ASIC2: variants seen among roughly 807,000 people sequenced by gnomAD.
ASIC2 encodes the protein acid-sensing ion channel 2.
Under a neutral mutation model 57.3 loss-of-function variants are expected in ASIC2, and 25 were observed. That is an observed-to-expected ratio of 0.44 (90% CI 0.32 to 0.61). The LOEUF is 0.61. Ranked by LOEUF, ASIC2 falls within the 20% of genes least tolerant of loss-of-function variation. ASIC2 has a pLI of 0.06. For synonymous variants in ASIC2, 319 were observed against 307.5 expected (o/e 1.04, Z -0.39); for missense variants, 641 against 738.1 (o/e 0.87, Z 1.52).
chr17:33,241,358 G>T (rs8071923), intron 1 of ASIC2, among the ~76,000 whole-genome samples: 1 of 152,194 alleles, frequency 6.6e-6, no homozygotes, highest in Non-Finnish European at 1.5e-5. Context: ...TTTCATTCAC[G>T]TGGTGGGAGT....
chr17:33,311,428 CTGTG>C (rs34323667), intron 1 of ASIC2, among the ~76,000 whole-genome samples: 36,187 of 148,024 alleles, frequency 0.24, 4,708 homozygotes, highest in East Asian at 0.4. Flanking sequence ...GTCTGTCTAT[CTGTG>C]TGTGTGTGTG....
chr17:33,175,807 G>A (rs1027948269), intron 1 of ASIC2, among the ~76,000 whole-genome samples: 11 of 151,986 alleles, frequency 7.2e-5, no homozygotes, highest in South Asian at 4.2e-4. Context: ...GACCAATCTC[G>A]GCGCTCTCTT....
intron 1 of ASIC2, among the ~76,000 whole-genome samples, chr17:33,556,732 T>C (rs750739520): frequency 1.3e-5 from 2 of 152,212 alleles, no homozygotes; most frequent in Non-Finnish European, 2.9e-5. Context: ...TGTATTAGTG[T>C]TTACAGGTAA....
intron 1 of ASIC2, among the ~76,000 whole-genome samples, chr17:33,267,712 A>C (rs1909517687): frequency 6.6e-6 from 1 of 152,254 alleles, no homozygotes; most frequent in African/African-American, 2.4e-5. Flanking sequence ...GGAAAGCTGC[A>C]CAGGCATCTT....
chr17:34,074,474 C>A (rs575703875), intron 1 of ASIC2, among the ~76,000 whole-genome samples: 5 of 152,156 alleles, frequency 3.3e-5, no homozygotes, highest in Admixed American at 3.3e-4. Context: ...ATGCATAGGG[C>A]TAGGAGGTCT....
At chr17:33,856,530 AGTGGTAGTAGTG>A (rs1448228613) in intron 1 of ASIC2, among the ~76,000 whole-genome samples, 1 of 151,250 alleles carries the variant, frequency 6.6e-6, no homozygotes, top group African/African-American at 2.4e-5. Flanking sequence ...TGGTAGTAGT[AGTGGTAGTAGTG>A]GCAGTAGCAG....
intron 1 of ASIC2, among the ~76,000 whole-genome samples, chr17:33,463,767 C>T (rs984758490): frequency 6.6e-6 from 1 of 152,244 alleles, no homozygotes; most frequent in Admixed American, 6.5e-5. Context: ...ATCTCTCTCT[C>T]CTCTGCCCCC....
chr17:33,368,745 A>G (rs1244476539), intron 1 of ASIC2, among the ~76,000 whole-genome samples: 1 of 151,982 alleles, frequency 6.6e-6, no homozygotes, highest in Non-Finnish European at 1.5e-5. Flanking sequence ...TTTGGCCACC[A>G]TCTTTCCTCT....
intron 1 of ASIC2, among the ~76,000 whole-genome samples, chr17:33,470,629 T>G (rs760749988): frequency 6.6e-6 from 1 of 152,200 alleles, no homozygotes; most frequent in Admixed American, 6.5e-5. Context: ...AGCCATCACC[T>G]GCTCTTCAGT....
At chr17:33,078,616 A>G (rs947067625) in intron 3 of ASIC2, among the ~76,000 whole-genome samples, 1 of 152,112 alleles carries the variant, frequency 6.6e-6, no homozygotes, top group African/African-American at 2.4e-5. Context: ...TGATTGATTG[A>G]TTGTAGAAAT....
intron 1 of ASIC2, among the ~76,000 whole-genome samples, chr17:33,448,310 G>C (rs979926983): frequency 3.9e-5 from 6 of 152,174 alleles, no homozygotes; most frequent in Non-Finnish European, 7.3e-5. Context: ...CTTGACGGCT[G>C]TTTAGTGGGC....
At chr17:34,128,035 A>G (rs560647675) in intron 1 of ASIC2, among the ~76,000 whole-genome samples, 7 of 152,228 alleles carry the variant, frequency 4.6e-5, no homozygotes, top group African/African-American at 1.7e-4. Flanking sequence ...ACAAATATAT[A>G]ATGATGATGA....
chr17:33,306,727 C>T (rs1056063702), intron 1 of ASIC2, among the ~76,000 whole-genome samples: 1 of 152,146 alleles, frequency 6.6e-6, no homozygotes, highest in Non-Finnish European at 1.5e-5. Context: ...CTTTGATTTC[C>T]TTCCTCTCCA....
chr17:34,076,841 G>A (rs1188347315), intron 1 of ASIC2, among the ~76,000 whole-genome samples: 4 of 152,232 alleles, frequency 2.6e-5, no homozygotes, highest in African/African-American at 2.4e-5. Context: ...GACAGGAAGA[G>A]TGGGAAGGGC....
chr17:33,240,685 G>A (rs1406202911), intron 1 of ASIC2, among the ~76,000 whole-genome samples: 1 of 151,826 alleles, frequency 6.6e-6, no homozygotes, highest in East Asian at 2.0e-4. Context: ...GCCAGGAGCG[G>A]GAAGGAGCTG....
intron 1 of ASIC2, among the ~76,000 whole-genome samples, chr17:33,380,549 G>C (rs559074666): frequency 6.6e-6 from 1 of 152,320 alleles, no homozygotes; most frequent in South Asian, 2.1e-4. Flanking sequence ...TCTGTCTCCA[G>C]ATGTTTTACA....
chr17:33,423,531 T>C (rs529222699), intron 1 of ASIC2, among the ~76,000 whole-genome samples: 1 of 152,338 alleles, frequency 6.6e-6, no homozygotes, highest in African/African-American at 2.4e-5. Context: ...TATTACTATT[T>C]GTGTTCAGAC....
At chr17:33,711,850 G>T (rs1235073111) in intron 1 of ASIC2, among the ~76,000 whole-genome samples, 1 of 152,150 alleles carries the variant, frequency 6.6e-6, no homozygotes, top group Non-Finnish European at 1.5e-5. Context: ...TTTGGGTGGG[G>T]ACACAAAATC....
intron 1 of ASIC2, among the ~76,000 whole-genome samples, chr17:33,114,919 A>G (rs915583544): frequency 3.3e-5 from 5 of 152,270 alleles, no homozygotes; most frequent in South Asian, 4.1e-4. Flanking sequence ...GGGTGCTAAG[A>G]TCCCCCCATC....
Sources: gnomAD v4.1 joint callset for allele counts (sites outside exome capture counted in the v4.1 genomes callset) on GRCh38, gnomAD v4.1.1 for gene constraint, MANE v1.5 for transcripts, NCBI Gene and HGNC (gene_info 2026-07-23, HGNC 2026-07-21) for gene names.